The following IMMP2L variants were observed in gnomAD, a reference collection of about 807,000 sequenced individuals.
IMMP2L encodes the protein mitochondrial inner membrane protease subunit 2.
In IMMP2L, 18 loss-of-function variants were observed where a neutral mutation model predicts 19.3. The observed-to-expected ratio is 0.93, with a 90% CI of 0.64 to 1.38. The LOEUF (loss-of-function observed/expected upper bound fraction) is 1.38, where lower values mean the gene tolerates loss of function less well. Ranked by LOEUF, IMMP2L falls within the 40% of genes most tolerant of loss-of-function variation. IMMP2L has a pLI of 0.00. For synonymous variants in IMMP2L, 76 were observed against 73.0 expected, an observed-to-expected ratio of 1.04 and a Z score of -0.21; for missense variants, 233 against 218.2, an observed-to-expected ratio of 1.07 and a Z score of -0.43.
rs1816615826 is a variant in IMMP2L, at chr7:111,255,649, A to C, written c.239+231589T>G. On this transcript the variant is annotated intron_variant, in intron 3 of 5. Transcript: ENST00000405709. ...CACAAGTTTACAGAAGAGGAAAATG[A>C]AGTTCAGGAAAGGTGACTGGGCCAT... 2.0e-5 allele frequency among the ~76,000 whole-genome samples: 3 copies of C among 152,042 alleles called. No individual in the cohort carries two copies. In the South Asian group the frequency reaches 6.2e-4, roughly 31 times the overall value.
At chr7:111,556,756 A>G (rs1165854359) in intron 1 of IMMP2L, among the ~76,000 whole-genome samples, 1 of 152,030 alleles carries the variant, frequency 6.6e-6, no homozygotes, top group Non-Finnish European at 1.5e-5. Context: ...CTCTTTCTAT[A>G]CAATTCCTCT....
intron 3 of IMMP2L, among the ~76,000 whole-genome samples, chr7:111,333,208 G>A (rs1262221498): frequency 2.0e-5 from 3 of 152,142 alleles, no homozygotes; most frequent in Admixed American, 2.0e-4. Context: ...CACAAACAAG[G>A]ACTGTAATTG....
At chr7:111,480,514 T>A (rs1842087636) in intron 3 of IMMP2L, among the ~76,000 whole-genome samples, 1 of 145,492 alleles carries the variant, frequency 6.9e-6, no homozygotes, top group Admixed American at 7.2e-5. Context: ...ATATACTTAG[T>A]AATGACTGCA....
At chr7:111,063,040 G>A (rs1794167067) in intron 3 of IMMP2L, among the ~76,000 whole-genome samples, 1 of 152,246 alleles carries the variant, frequency 6.6e-6, no homozygotes, top group Non-Finnish European at 1.5e-5. Flanking sequence ...TAGGGACTCT[G>A]TGGGGACTCC....
intron 3 of IMMP2L, among the ~76,000 whole-genome samples, chr7:111,100,964 G>T (rs1360616105): frequency 5.9e-5 from 9 of 151,364 alleles, no homozygotes; most frequent in Non-Finnish European, 1.2e-4. Context: ...TCTATATTTT[G>T]TAAAGATGAT....
chr7:111,129,624 A>ACT (rs1382970563), intron 3 of IMMP2L, among the ~76,000 whole-genome samples: 1 of 152,080 alleles, frequency 6.6e-6, no homozygotes, highest in Non-Finnish European at 1.5e-5. Context: ...ACAGCGTTGT[A>ACT]CTGGAATGCC....
rs1298101803 is a variant in IMMP2L at position 111,151,390 on chromosome 7, G to C, written c.240-187825C>G. On this transcript the variant is annotated intron_variant, in intron 3 of 5. Coordinates refer to ENST00000405709, the MANE Select transcript of IMMP2L (RefSeq NM_032549.4). Reference sequence around the variant, plus strand: ...ATAATCACCAAAATTCAACATGTGGGAAACTACAGCAAAATTAACCTGGTT... The same window carrying C: ...ATAATCACCAAAATTCAACATGTGGCAAACTACAGCAAAATTAACCTGGTT... 2.0e-5 allele frequency among the ~76,000 whole-genome samples: 3 copies of C among 152,102 alleles called. No individual in the cohort carries two copies. The East Asian group carries it at 5.8e-4, about 29-fold the overall frequency.
chr7:110,777,745 C>A (rs778031694), intron 5 of IMMP2L, among the ~76,000 whole-genome samples: 12 of 151,904 alleles, frequency 7.9e-5, no homozygotes, highest in African/African-American at 1.2e-4. Context: ...TCAAAATTTC[C>A]ATATTGACAG....
chr7:111,296,541 A>G (rs967750922), intron 3 of IMMP2L, among the ~76,000 whole-genome samples: 25 of 152,116 alleles, frequency 1.6e-4, no homozygotes, highest in African/African-American at 5.8e-4. Context: ...AAGGATATGA[A>G]GAAATTATAT....
chr7:111,072,755 C>T lies in IMMP2L; in HGVS notation c.240-109190G>A, dbSNP rs114609559. 4.2e-3 allele frequency among the ~76,000 whole-genome samples: 634 copies of T among 151,930 alleles called. 4 individuals are homozygous for T. Among genetic ancestry groups the T allele is most frequent in the African/African-American group, 0.015 (609 of 41,430 alleles). On this transcript the variant is annotated intron_variant, in intron 3 of 5. Transcript: ENST00000405709. Reference sequence around the variant, plus strand: ...CTAAAAATACAAAAAATCAGCCGGGCGAGGTGGTAGGCATCTGTAGTCTCA... The same window carrying T: ...CTAAAAATACAAAAAATCAGCCGGGTGAGGTGGTAGGCATCTGTAGTCTCA...
At chr7:111,255,870 T>C (rs1166282831) in intron 3 of IMMP2L, among the ~76,000 whole-genome samples, 1 of 152,090 alleles carries the variant, frequency 6.6e-6, no homozygotes, top group African/African-American at 2.4e-5. Flanking sequence ...TATACAATGC[T>C]TCTAACCAGA....
chr7:110,747,981 T>C (rs556527564), intron 5 of IMMP2L, among the ~76,000 whole-genome samples: 3 of 152,202 alleles, frequency 2.0e-5, no homozygotes, highest in African/African-American at 2.4e-5. Context: ...GATGACATGA[T>C]TGTATATTCA....
intron 3 of IMMP2L, among the ~76,000 whole-genome samples, chr7:111,194,240 T>C (rs1052370654): frequency 2.0e-5 from 3 of 152,200 alleles, no homozygotes; most frequent in Non-Finnish European, 4.4e-5. Context: ...GGAACTTGTC[T>C]ATTGTGACTT....
At chr7:111,279,172 T>A (rs115471081) in intron 3 of IMMP2L, among the ~76,000 whole-genome samples, 1,624 of 152,306 alleles carry the variant, frequency 0.011, 30 homozygotes, top group African/African-American at 0.036. Flanking sequence ...TGATAAGGTT[T>A]ACGCCAGATT....
In IMMP2L at chr7:110,976,135, T is replaced by C. The variant is rs939706275; in HGVS notation, c.240-12570A>G. Among the ~76,000 whole-genome samples, 11 of 152,014 alleles carry C rather than the reference T, an allele frequency of 7.2e-5. 1 individual carries two copies. Among genetic ancestry groups the C allele is most frequent in the Admixed American group, 2.0e-4 (3 of 15,254 alleles). The stretch of plus-strand genomic sequence containing the variant: ...ATATGTAACATTTTAAAAATTCTCA[T>C]TTGCTACATATTTGCTTATCTATAT... On this transcript the variant is annotated intron_variant, in intron 3 of 5. Coordinates refer to ENST00000405709, the MANE Select transcript of IMMP2L (RefSeq NM_032549.4).
At chr7:111,361,034 T>C (rs1002970169) in intron 3 of IMMP2L, among the ~76,000 whole-genome samples, 25 of 152,206 alleles carry the variant, frequency 1.6e-4, no homozygotes, top group Non-Finnish European at 2.5e-4. Context: ...GAACAGAAGC[T>C]CTTTAGGGTC....
chr7:111,483,665 CAACCAACTCTG>C (rs1842383577), intron 3 of IMMP2L: 1 of 152,196 alleles, frequency 6.6e-6, no homozygotes, highest in Non-Finnish European at 1.5e-5. Context: ...CAACACTGGT[CAACCAACTCTG>C]AACAAAACCC....
intron 5 of IMMP2L, among the ~76,000 whole-genome samples, chr7:110,770,910 C>A (rs1798989294): frequency 6.6e-6 from 1 of 152,130 alleles, no homozygotes; most frequent in African/African-American, 2.4e-5. Context: ...ATGAACATTG[C>A]TCCCACAGAG....
At position 110,894,112 on chromosome 7, in the gene IMMP2L, C is replaced by G. The variant is rs930115787; in HGVS notation, c.306-7417G>C. Among the ~76,000 whole-genome samples the G allele has an allele frequency of 6.4e-4, 98 of 152,202 alleles. 2 individuals are homozygous for G. The highest frequency in any genetic ancestry group is 6.8e-3 in the Middle Eastern group (2 of 294). On this transcript the variant is annotated intron_variant, in intron 4 of 5. Transcript: ENST00000405709. Reference sequence around the variant, plus strand: ...TGACAGGTAAGACATCCGAAGACCCCGTACCTCCTCACCCCCTCCCCTACA... The same window carrying G: ...TGACAGGTAAGACATCCGAAGACCCGGTACCTCCTCACCCCCTCCCCTACA...
Sources: allele counts gnomAD v4.1 joint callset (sites outside exome capture counted in the v4.1 genomes callset), GRCh38; gene constraint gnomAD v4.1.1; transcripts MANE v1.5; gene names NCBI Gene and HGNC (gene_info 2026-07-23, HGNC 2026-07-21).